Variants in GALNT13 observed in about 807,000 individuals in gnomAD.
GALNT13 encodes UDP-GalNAc:polypeptide N-acetylgalactosaminyltransferase 13.
Under a neutral mutation model 64.2 loss-of-function variants are expected in GALNT13, and 28 were observed. The observed-to-expected ratio is 0.44, with a 90% CI of 0.32 to 0.60. GALNT13 has a LOEUF of 0.60. GALNT13 is among the 20% of genes least tolerant of loss of function. The pLI is 0.05. For missense variants in GALNT13, 577 were observed against 669.8 expected (o/e 0.86, Z 1.53); for synonymous variants, 214 against 224.6 (o/e 0.95, Z 0.42).
the GALNT13 span, among the ~76,000 whole-genome samples, chr2:153,708,772 G>A: frequency 1.3e-5 from 2 of 152,026 alleles, no homozygotes; most frequent in Admixed American, 1.3e-4. Flanking sequence ...AAAACAGCAT[G>A]GTACTGCTGT....
chr2:154,201,060 A>T (rs971913148), intron 4 of GALNT13, among the ~76,000 whole-genome samples: 2 of 152,130 alleles, frequency 1.3e-5, no homozygotes, highest in Non-Finnish European at 2.9e-5. Flanking sequence ...ATGTGTGTGT[A>T]GTCACATCAA....
At chr2:154,407,982 A>G (rs964184670) in intron 10 of GALNT13, among the ~76,000 whole-genome samples, 1 of 152,146 alleles carries the variant, frequency 6.6e-6, no homozygotes, top group South Asian at 2.1e-4. Context: ...GTGAGGAAAC[A>G]TGTACTCAGA....
the GALNT13 span, among the ~76,000 whole-genome samples, chr2:153,481,295 G>T: frequency 6.6e-6 from 1 of 152,068 alleles, no homozygotes; most frequent in East Asian, 1.9e-4. Context: ...GACTTAAGGG[G>T]ATCTGTGTTG....
chr2:153,927,016 A>G (rs960791966), intron 2 of GALNT13, among the ~76,000 whole-genome samples: 1 of 152,092 alleles, frequency 6.6e-6, no homozygotes, highest in Admixed American at 6.6e-5. Flanking sequence ...AGACATTGCA[A>G]TTTTTAAAAA....
the GALNT13 span, among the ~76,000 whole-genome samples, chr2:153,142,610 G>C: frequency 1.3e-5 from 2 of 150,344 alleles, no homozygotes; most frequent in Non-Finnish European, 3.0e-5. Context: ...GTGAGACCGA[G>C]AGCAAGAGCA....
At chr2:154,197,745 A>T (rs1296691255) in intron 4 of GALNT13, among the ~76,000 whole-genome samples, 1 of 152,080 alleles carries the variant, frequency 6.6e-6, no homozygotes, top group Non-Finnish European at 1.5e-5. Flanking sequence ...AAAAAAATAA[A>T]AAGAACACTA....
intron 9 of GALNT13, among the ~76,000 whole-genome samples, chr2:154,303,767 T>C (rs1033388595): frequency 7.9e-5 from 12 of 152,018 alleles, no homozygotes; most frequent in African/African-American, 2.9e-4. Flanking sequence ...TCAAACTTTT[T>C]TTTTTTTTTG....
chr2:153,655,933 TA>T, the GALNT13 span, among the ~76,000 whole-genome samples: 1 of 152,114 alleles, frequency 6.6e-6, no homozygotes, highest in African/African-American at 2.4e-5. Context: ...GAAACATATC[TA>T]AAAGTAAGTC....
chr2:153,202,105 C>T, the GALNT13 span, among the ~76,000 whole-genome samples: 1 of 151,626 alleles, frequency 6.6e-6, no homozygotes, highest in Non-Finnish European at 1.5e-5. Flanking sequence ...CTGCCTCAGC[C>T]TCCCGAGTAG....
chr2:153,800,083 T>TCTCTCTCTCTCTCTCTCTCTCTCC, the GALNT13 span, among the ~76,000 whole-genome samples: 1 of 132,358 alleles, frequency 7.6e-6, no homozygotes, highest in Non-Finnish European at 1.7e-5. Context: ...TCTCTCTCTC[T>TCTCTCTCTCTCTCTCTCTCTCTCC]CCACCCCCCA....
At chr2:153,511,294 G>C in the GALNT13 span, among the ~76,000 whole-genome samples, 6 of 151,846 alleles carry the variant, frequency 4.0e-5, no homozygotes, top group Admixed American at 1.3e-4. Context: ...AAAAAAAAAG[G>C]GGCGGGGGTT....
At chr2:153,755,765 T>C in the GALNT13 span, among the ~76,000 whole-genome samples, 1 of 152,148 alleles carries the variant, frequency 6.6e-6, no homozygotes, top group Non-Finnish European at 1.5e-5. Context: ...GACTACATTA[T>C]TGTGGTTGGT....
At chr2:154,425,182 G>A (rs1041933189) in intron 11 of GALNT13, among the ~76,000 whole-genome samples, 1 of 152,072 alleles carries the variant, frequency 6.6e-6, no homozygotes, top group South Asian at 2.1e-4. Context: ...ATCTGGTATA[G>A]TATATACCAG....
intron 3 of GALNT13, among the ~76,000 whole-genome samples, chr2:154,057,667 A>G (rs1405290653): frequency 6.6e-6 from 1 of 152,204 alleles, no homozygotes; most frequent in Non-Finnish European, 1.5e-5. Context: ...AGCAGCAACA[A>G]AAGAGAGCAA....
chr2:153,345,039 G>T, the GALNT13 span, among the ~76,000 whole-genome samples: 1 of 152,160 alleles, frequency 6.6e-6, no homozygotes, highest in African/African-American at 2.4e-5. Context: ...CAAACTAGGA[G>T]ATATGAATTT....
chr2:153,582,134 A>G, the GALNT13 span, among the ~76,000 whole-genome samples: 3 of 152,172 alleles, frequency 2.0e-5, no homozygotes, highest in African/African-American at 7.2e-5. Flanking sequence ...TTGTTTCTGG[A>G]TATTTACCAA....
At chr2:153,485,530 G>A in the GALNT13 span, among the ~76,000 whole-genome samples, 1 of 152,160 alleles carries the variant, frequency 6.6e-6, no homozygotes, top group Admixed American at 6.5e-5. Context: ...CCATCAATAG[G>A]TAAATAATAA....
At chr2:153,996,070 C>T (rs1695503274) in intron 3 of GALNT13, among the ~76,000 whole-genome samples, 1 of 152,252 alleles carries the variant, frequency 6.6e-6, no homozygotes, top group African/African-American at 2.4e-5. Flanking sequence ...TTTATCCATT[C>T]ATTGGTTGAT....
intron 3 of GALNT13, among the ~76,000 whole-genome samples, chr2:154,085,497 C>A (rs1305450396): frequency 6.6e-6 from 1 of 151,926 alleles, no homozygotes; most frequent in Non-Finnish European, 1.5e-5. Flanking sequence ...CTATGAAAGA[C>A]AGGATGGTAT....
Sources: gnomAD v4.1 joint callset for allele counts (sites outside exome capture counted in the v4.1 genomes callset) on GRCh38, gnomAD v4.1.1 for gene constraint, MANE v1.5 for transcripts, NCBI Gene and HGNC (gene_info 2026-07-23, HGNC 2026-07-21) for gene names.